ELP1: variants seen among roughly 807,000 people sequenced by gnomAD.
ELP1 encodes elongator complex protein 1.
A neutral mutation model predicts 183.2 loss-of-function variants in ELP1; 131 were observed. That is an observed-to-expected ratio of 0.72 (90% CI 0.62 to 0.83). ELP1 has a LOEUF of 0.83. Among genes scored for constraint, ELP1 ranks in the 40% least tolerant of loss-of-function variants. The pLI is 0.00. For synonymous variants in ELP1, 555 were observed against 569.0 expected (o/e 0.98, Z 0.35); for missense variants, 1,550 against 1,594.9 (o/e 0.97, Z 0.48).
In ELP1 at chr9:108,929,816, C is replaced by CCA. The variant is rs1306800890; in HGVS notation, c.254_255dup (p.Ala86TrpfsTer24). ...AGTATGACGTCTCCAGAGGCTGTGGCCACACACACAGACTCCTGATCCAGC... is the reference window on the plus strand; with the variant it reads ...AGTATGACGTCTCCAGAGGCTGTGGCCACACACACACAGACTCCTGATCCAGC... On this transcript the variant is annotated frameshift_variant, in exon 3 of 37. Transcript: ENST00000374647. LOFTEE classifies it high-confidence loss of function. 15 of 1,613,868 alleles carry CCA rather than the reference C, an allele frequency of 9.3e-6. No homozygotes were observed. The highest frequency in any genetic ancestry group is 1.3e-5 in the Non-Finnish European group (15 of 1,180,008).
At chr9:108,872,830 A>AC (rs1195153300) in intron 36 of ELP1, among the ~76,000 whole-genome samples, 8 of 138,292 alleles carry the variant, frequency 5.8e-5, no homozygotes, top group Admixed American at 2.9e-4. Context: ...AAAAAAAAAA[A>AC]AAAAAAAAAC....
At chr9:108,905,868 T>TAC (rs35044796) in intron 14 of ELP1, among the ~76,000 whole-genome samples, 11,298 of 147,998 alleles carry the variant, frequency 0.076, 637 homozygotes, top group African/African-American at 0.16. Context: ...AAGGTATGTA[T>TAC]ACACACACAC....
At chr9:108,924,496 G>T (rs2132040044) in intron 5 of ELP1, among the ~76,000 whole-genome samples, 1 of 152,110 alleles carries the variant, frequency 6.6e-6, no homozygotes, top group Admixed American at 6.5e-5. Context: ...AAGTCAGTGG[G>T]AAACACCAGG....
At chr9:108,869,380 G>A (rs1042553237) in intron 36 of ELP1, among the ~76,000 whole-genome samples, 198 bp from the exon 37 acceptor site, 1 of 152,106 alleles carries the variant, frequency 6.6e-6, no homozygotes, top group African/African-American at 2.4e-5. Flanking sequence ...CCTGAGAGGA[G>A]GGACTGCATT....
chr9:108,895,892 GA>G (rs1450581421), intron 25 of ELP1, among the ~76,000 whole-genome samples: 1 of 152,302 alleles, frequency 6.6e-6, no homozygotes, highest in African/African-American at 2.4e-5. Flanking sequence ...AGTGGAACAT[GA>G]ACCACTTGTT....
In ELP1 at chr9:108,911,265, A is replaced by G. The variant is rs1829214037; in HGVS notation, c.1190-85T>C. ...CATCTGAACATCACAGTATATCTAA[A>G]CAATAATGGCAATTCACAAAAAAAT... On this transcript the variant is annotated intron_variant, in intron 11 of 36. Coordinates refer to ENST00000374647, the MANE Select transcript of ELP1 (RefSeq NM_003640.5). 3 of 1,261,812 alleles carry G rather than the reference A, an allele frequency of 2.4e-6. No homozygotes were observed. In the African/African-American group the frequency reaches 4.4e-5, roughly 19 times the overall value. 78.2% of individuals were successfully genotyped at this position (1,261,812 alleles called of 1,614,324 possible). A position where few individuals can be genotyped will look rare whatever the true frequency, so the allele number is the denominator to read the frequency against.
intron 11 of ELP1, among the ~76,000 whole-genome samples, 161 bp from the exon 12 acceptor site, chr9:108,911,341 G>A (rs1829217735): frequency 6.6e-6 from 1 of 152,192 alleles, no homozygotes; most frequent in Non-Finnish European, 1.5e-5. Context: ...GTGGGATGGG[G>A]AAATGTCATG....
At chr9:108,922,582 T>C (rs933505758) in intron 6 of ELP1, among the ~76,000 whole-genome samples, 2 of 152,226 alleles carry the variant, frequency 1.3e-5, no homozygotes, top group South Asian at 2.1e-4. Context: ...GTCTGTGATG[T>C]TTTATTTTTT....
At chr9:108,903,806 T>C (rs1335289229) in intron 14 of ELP1, 137 bp from the exon 15 acceptor site, 5 of 696,410 alleles carry the variant, frequency 7.2e-6, no homozygotes, top group Middle Eastern at 2.5e-4. Flanking sequence ...AAAATACATA[T>C]ATACACACCC....
intron 35 of ELP1, among the ~76,000 whole-genome samples, chr9:108,877,591 A>T (rs1380027961): frequency 6.6e-6 from 1 of 152,178 alleles, no homozygotes; most frequent in African/African-American, 2.4e-5. Flanking sequence ...ATTTTTCATA[A>T]AACAAAAGGA....
intron 36 of ELP1, among the ~76,000 whole-genome samples, chr9:108,873,058 A>G (rs1376481880): frequency 1.3e-5 from 2 of 152,304 alleles, no homozygotes; most frequent in Middle Eastern, 3.4e-3. Context: ...TATAAAAATA[A>G]CTTGAGGGCT....
Position 108,868,521 on chromosome 9 carries a change from G to A in ELP1, c.*594C>T. The stretch of plus-strand genomic sequence containing the variant: ...CTCTCTAGCAGAAAATACACAGGCA[G>A]TAAAACAGTCCCTATAGACATTGTA... On this transcript the variant is annotated 3_prime_UTR_variant, in exon 37 of 37. Transcript: ENST00000374647. 4.9e-6 allele frequency: 2 copies of A among 408,080 alleles called. No homozygotes were observed. The highest frequency in any genetic ancestry group is 8.6e-6 in the Non-Finnish European group (2 of 231,370). 25.3% of individuals were successfully genotyped at this position (408,080 alleles called of 1,614,324 possible).
At chr9:108,887,798 T>C (rs1828183663) in intron 29 of ELP1, among the ~76,000 whole-genome samples, 1 of 152,164 alleles carries the variant, frequency 6.6e-6, no homozygotes, top group African/African-American at 2.4e-5. Flanking sequence ...GTCACAGTAA[T>C]ACACCCAGTG....
chr9:108,918,469 G>C lies in ELP1; in HGVS notation c.740+342C>G, dbSNP rs1192088078. Among the ~76,000 whole-genome samples the C allele has an allele frequency of 3.3e-5, 5 of 152,160 alleles. No individual in the cohort carries two copies. The East Asian group carries it at 9.7e-4, about 29-fold the overall frequency. ...TTGCCCCACAGAGCCTTGCAAACTG[G>C]GCCTTCCCTTCTAAACACCATTTTC... On this transcript the variant is annotated intron_variant, in intron 8 of 36. Coordinates refer to ENST00000374647, the MANE Select transcript of ELP1 (RefSeq NM_003640.5).
At chr9:108,919,065 G>A (rs1829550784) in intron 7 of ELP1, among the ~76,000 whole-genome samples, 164 bp from the exon 8 acceptor site, 1 of 152,138 alleles carries the variant, frequency 6.6e-6, no homozygotes, top group Non-Finnish European at 1.5e-5. Flanking sequence ...CAGGTAGGAG[G>A]ATGGACCAAA....
chr9:108,893,219 G>A (rs975779348), intron 26 of ELP1, 136 bp from the exon 27 acceptor site: 2 of 698,562 alleles, frequency 2.9e-6, no homozygotes, highest in Non-Finnish European at 5.1e-6. Flanking sequence ...CTGAAGAATG[G>A]GATCCTGGAA....
In ELP1 at chr9:108,880,079, T is replaced by C. The variant is rs1827866252; in HGVS notation, c.3433A>G (p.Lys1145Glu). 7.4e-6 allele frequency: 12 copies of C among 1,613,856 alleles called. No homozygotes were observed. Among genetic ancestry groups the C allele is most frequent in the South Asian group, 1.1e-5 (1 of 91,088 alleles). The change falls in exon 32 of 37, where the codon AAG becomes GAG. Residue 1145 changes from lysine to glutamate, a missense_variant. Coordinates refer to ENST00000374647, the MANE Select transcript of ELP1 (RefSeq NM_003640.5). ...KKRLLVVREL[K>E]EQAQQAGLDD... ...AGACCTGCCTGCTGGGCTTGCTCCT[T>C]GAGCTCTCGAACTACCAATAAACGT...
rs1828445858 is a variant in ELP1 at position 108,894,045 on chromosome 9, A to G, written c.2758T>C (p.Phe920Leu). The change falls in exon 26 of 37, where the codon TTT (phenylalanine) becomes CTT (leucine). Residue 920 changes from phenylalanine to leucine, a missense_variant. Physicochemically the swap from Phe to Leu is conservative, Grantham distance 22 (BLOSUM62 0). Transcript: ENST00000374647. ...SQKDPKEYLP[F>L]LNTLKKMETN... ...TCCATTTTCTTAAGTGTATTAAGAA[A>G]TGGAAGATATTCTTTGGGATCCTAA... is the stretch of plus-strand genomic sequence containing the variant. The G allele has an allele frequency of 1.3e-6, 2 of 1,521,346 alleles. No individual in the cohort carries two copies. Among genetic ancestry groups the G allele is most frequent in the Non-Finnish European group, 1.8e-6 (2 of 1,097,326 alleles). The allele number at this position is 1,521,346 out of a possible 1,614,324, so 94.2% of individuals were successfully genotyped here.
At chr9:108,916,434 C>G in intron 9 of ELP1, 137 bp from the exon 10 acceptor site, 1 of 734,022 alleles carries the variant, frequency 1.4e-6, no homozygotes, top group Non-Finnish European at 2.5e-6. Context: ...CACTAACCTA[C>G]AGAGGCATTA....
Sources: allele counts gnomAD v4.1 joint callset (sites outside exome capture counted in the v4.1 genomes callset), GRCh38; gene constraint gnomAD v4.1.1; transcripts MANE v1.5; gene names NCBI Gene and HGNC (gene_info 2026-07-23, HGNC 2026-07-21).